The following RBMS3 variants were observed in gnomAD, a reference collection of about 807,000 sequenced individuals.
RBMS3 encodes the protein RNA-binding motif, single-stranded-interacting protein 3.
RBMS3 carries 27 observed loss-of-function variants against 66.8 expected under a neutral mutation model. The ratio of observed to expected loss-of-function variants is 0.40; its 90% CI spans 0.30 to 0.56. RBMS3 has a LOEUF of 0.56. Among genes scored for constraint, RBMS3 ranks in the 20% least tolerant of loss-of-function variants. The pLI is 0.40. For missense variants in RBMS3, 513 were observed against 549.5 expected (o/e 0.93, Z 0.66); for synonymous variants, 188 against 183.0 (o/e 1.03, Z -0.22).
At chr3:29,805,826 G>C (rs1247155525) in intron 6 of RBMS3, among the ~76,000 whole-genome samples, 1 of 151,950 alleles carries the variant, frequency 6.6e-6, no homozygotes, top group Non-Finnish European at 1.5e-5. Flanking sequence ...TTGTTAAAGA[G>C]AGAAAAATAT....
intron 4 of RBMS3, among the ~76,000 whole-genome samples, chr3:29,601,138 ATATT>A (rs1258842047): frequency 1.3e-5 from 2 of 151,648 alleles, no homozygotes; most frequent in East Asian, 1.9e-4. Context: ...CATACAATAT[ATATT>A]TATTACTTAT....
intron 3 of RBMS3, among the ~76,000 whole-genome samples, chr3:29,579,257 G>T (rs1370673808): frequency 6.6e-6 from 1 of 152,140 alleles, no homozygotes; most frequent in African/African-American, 2.4e-5. Context: ...AGGATGCTTC[G>T]GTTGTGGGGA....
chr3:29,653,506 T>A (rs534824340), intron 4 of RBMS3, among the ~76,000 whole-genome samples: 4 of 152,238 alleles, frequency 2.6e-5, no homozygotes, highest in Admixed American at 2.6e-4. Flanking sequence ...CACGCAGTGA[T>A]ATCAGAATTA....
chr3:29,898,736 C>CGTGTGTGTGTGTGTGT (rs3072651), intron 9 of RBMS3, among the ~76,000 whole-genome samples: 31 of 142,614 alleles, frequency 2.2e-4, no homozygotes, highest in African/African-American at 7.3e-4. Context: ...TTGTAATGTG[C>CGTGTGTGTGTGTGTGT]GTGTGTGTGT....
At chr3:29,365,562 GAC>G (rs2037853715) in intron 1 of RBMS3, among the ~76,000 whole-genome samples, 2 of 147,152 alleles carry the variant, frequency 1.4e-5, no homozygotes, top group South Asian at 4.3e-4. Flanking sequence ...GAAACAAAAA[GAC>G]AGTATTCTTT....
At chr3:29,861,791 A>G (rs1482004995) in intron 6 of RBMS3, among the ~76,000 whole-genome samples, 1 of 152,224 alleles carries the variant, frequency 6.6e-6, no homozygotes, top group Non-Finnish European at 1.5e-5. Context: ...GACTAGAAAT[A>G]CTCCACTAAG....
chr3:29,988,707 G>A (rs1360730891), intron 13 of RBMS3, among the ~76,000 whole-genome samples: 1 of 152,090 alleles, frequency 6.6e-6, no homozygotes, highest in Non-Finnish European at 1.5e-5. Context: ...AGGATCTCTT[G>A]AGACCAGAAG....
At chr3:29,838,453 T>C (rs1449522962) in intron 6 of RBMS3, among the ~76,000 whole-genome samples, 1 of 152,202 alleles carries the variant, frequency 6.6e-6, no homozygotes, top group Non-Finnish European at 1.5e-5. Flanking sequence ...CAATATGTTC[T>C]TCAATGTTAT....
chr3:29,325,971 T>C lies in RBMS3; in HGVS notation c.75+44215T>C, dbSNP rs540975132. On this transcript the variant is annotated intron_variant, in intron 1 of 14. Coordinates refer to ENST00000383767, the MANE Select transcript of RBMS3 (RefSeq NM_001003793.3). ...TCCCCAGGTCACCTGGATAGGACTA[T>C]GAAGTGTGGCAATCCTGAATCACCT... Among the ~76,000 whole-genome samples, 8 of 152,284 alleles carry C rather than the reference T, an allele frequency of 5.3e-5. No individual in the cohort carries two copies. In the East Asian group the frequency reaches 1.5e-3, roughly 29 times the overall value.
At chr3:29,434,592 T>G in intron 1 of RBMS3, 151 bp from the exon 2 acceptor site, 1 of 1,134,234 alleles carries the variant, frequency 8.8e-7, no homozygotes. Flanking sequence ...TATTCTTGAA[T>G]GCAACAGAGA....
chr3:29,795,892 A>C (rs1330217774), intron 6 of RBMS3, among the ~76,000 whole-genome samples: 2 of 152,224 alleles, frequency 1.3e-5, no homozygotes, highest in Admixed American at 6.5e-5. Context: ...TAGTAGCTGC[A>C]ATGTACCAGC....
intron 4 of RBMS3, among the ~76,000 whole-genome samples, chr3:29,712,833 G>A (rs2053232486): frequency 6.6e-6 from 1 of 152,084 alleles, no homozygotes; most frequent in Admixed American, 6.6e-5. Flanking sequence ...CACCCACTAG[G>A]TTCTCAGGCC....
intron 2 of RBMS3, among the ~76,000 whole-genome samples, chr3:29,478,435 A>G (rs934655810): frequency 1.3e-5 from 2 of 152,026 alleles, no homozygotes; most frequent in Non-Finnish European, 2.9e-5. Context: ...CCTCTTTCGT[A>G]AGGGGACTAA....
intron 2 of RBMS3, among the ~76,000 whole-genome samples, chr3:29,439,180 C>G (rs1029753947): frequency 6.6e-6 from 1 of 152,036 alleles, no homozygotes; most frequent in African/African-American, 2.4e-5. Flanking sequence ...CTAGAAAACA[C>G]GAAAGGACAA....
At chr3:29,950,315 C>A (rs1167927885) in intron 12 of RBMS3, among the ~76,000 whole-genome samples, 1 of 151,848 alleles carries the variant, frequency 6.6e-6, no homozygotes. Flanking sequence ...TTAAAGCATC[C>A]CGCAGCAGCA....
intron 4 of RBMS3, chr3:29,696,967 T>A: frequency 1.0e-6 from 1 of 984,976 alleles, no homozygotes; most frequent in Non-Finnish European, 1.2e-6. Flanking sequence ...TTTTTGTAGG[T>A]ACCCCTAGTA....
At chr3:29,664,383 G>T (rs1384279298) in intron 4 of RBMS3, among the ~76,000 whole-genome samples, 2 of 152,032 alleles carry the variant, frequency 1.3e-5, no homozygotes, top group Non-Finnish European at 2.9e-5. Context: ...AGCTACTCGG[G>T]AGGCTGAGGC....
chr3:29,559,400 A>C (rs569988304), intron 3 of RBMS3, among the ~76,000 whole-genome samples: 108 of 151,310 alleles, frequency 7.1e-4, no homozygotes, highest in African/African-American at 2.3e-3. Context: ...AATCCCAGCT[A>C]CTCAGGAGGC....
At chr3:29,322,832 A>C (rs2035086880) in intron 1 of RBMS3, among the ~76,000 whole-genome samples, 1 of 152,170 alleles carries the variant, frequency 6.6e-6, no homozygotes, top group African/African-American at 2.4e-5. Context: ...CCAAGAGGGT[A>C]GCACCTCTTA....
Sources: allele counts gnomAD v4.1 joint callset (sites outside exome capture counted in the v4.1 genomes callset), GRCh38; gene constraint gnomAD v4.1.1; transcripts MANE v1.5; gene names NCBI Gene and HGNC (gene_info 2026-07-23, HGNC 2026-07-21).